Variants in ADAMTS12 observed in about 807,000 individuals in gnomAD.
ADAMTS12 encodes A disintegrin and metalloproteinase with thrombospondin motifs 12.
In ADAMTS12, 118 loss-of-function variants were observed where a neutral mutation model predicts 167.8. The observed-to-expected ratio is 0.70, with a 90% CI of 0.61 to 0.82. The LOEUF is 0.82. Among genes scored for constraint, ADAMTS12 ranks in the 40% least tolerant of loss-of-function variants. The pLI is 0.00. For synonymous variants in ADAMTS12, 704 were observed against 716.9 expected, an observed-to-expected ratio of 0.98 and a Z score of 0.29; for missense variants, 1,916 against 1,998.8, an observed-to-expected ratio of 0.96 and a Z score of 0.79.
intron 21 of ADAMTS12, among the ~76,000 whole-genome samples, chr5:33,548,732 G>A (rs764610464): frequency 3.1e-4 from 36 of 115,484 alleles, no homozygotes; most frequent in African/African-American, 1.2e-3. Flanking sequence ...ACACACACTC[G>A]TTATTTGTAC....
intron 2 of ADAMTS12, among the ~76,000 whole-genome samples, chr5:33,820,799 GA>G (rs1164165986): frequency 6.6e-6 from 1 of 152,154 alleles, no homozygotes; most frequent in Non-Finnish European, 1.5e-5. Flanking sequence ...GCATGAAAAA[GA>G]ACAAGATCAT....
intron 3 of ADAMTS12, among the ~76,000 whole-genome samples, chr5:33,717,467 GTAC>G (rs1743655692): frequency 6.6e-6 from 1 of 152,180 alleles, no homozygotes; most frequent in Non-Finnish European, 1.5e-5. Context: ...TGTAAGGTAA[GTAC>G]TACTATTACC....
chr5:33,559,015 C>A (rs1745611598), intron 20 of ADAMTS12, among the ~76,000 whole-genome samples: 1 of 152,154 alleles, frequency 6.6e-6, no homozygotes, highest in Non-Finnish European at 1.5e-5. Context: ...GGGAAAGGGT[C>A]CGAAAGACCG....
chr5:33,861,723 ACATTCTTCTTAG>A (rs1424876246), intron 2 of ADAMTS12, among the ~76,000 whole-genome samples: 1 of 152,194 alleles, frequency 6.6e-6, no homozygotes, highest in Non-Finnish European at 1.5e-5. Context: ...AACAGAATAC[ACATTCTTCTTAG>A]CACCATATTG....
At chr5:33,890,908 CG>C (rs1275121618) in intron 1 of ADAMTS12, among the ~76,000 whole-genome samples, 1 of 152,142 alleles carries the variant, frequency 6.6e-6, no homozygotes, top group East Asian at 1.9e-4. Flanking sequence ...TGCCAGTGAT[CG>C]GATGGGCTGA....
intron 2 of ADAMTS12, among the ~76,000 whole-genome samples, chr5:33,802,853 T>C (rs935080121): frequency 3.9e-5 from 6 of 152,234 alleles, no homozygotes; most frequent in African/African-American, 1.4e-4. Context: ...AAGTTTACTC[T>C]TCCAGATGTG....
intron 5 of ADAMTS12, among the ~76,000 whole-genome samples, chr5:33,682,108 G>A (rs1308832222): frequency 6.6e-6 from 1 of 152,204 alleles, no homozygotes; most frequent in East Asian, 1.9e-4. Flanking sequence ...GATATGATAA[G>A]GCCAAACCAA....
chr5:33,673,662 A>G (rs930655184), intron 5 of ADAMTS12, among the ~76,000 whole-genome samples: 3 of 104,536 alleles, frequency 2.9e-5, no homozygotes, highest in African/African-American at 1.0e-4. Flanking sequence ...GATCAAAACA[A>G]AAGTCTGTCC....
chr5:33,749,394 G>A (rs982630158), intron 3 of ADAMTS12, among the ~76,000 whole-genome samples: 1 of 152,060 alleles, frequency 6.6e-6, no homozygotes, highest in Non-Finnish European at 1.5e-5. Context: ...TCCCTTCTCT[G>A]AGACACAACT....
chr5:33,795,392 A>T lies in ADAMTS12; in HGVS notation c.490-43844T>A, dbSNP rs533415834. ...CACCAAATGCCCCACGATGTAGTGC[A>T]CTAAAAGACAAGAGACATCTGGAAA... is the stretch of plus-strand genomic sequence containing the variant. On this transcript the variant is annotated intron_variant, in intron 2 of 23. Coordinates refer to ENST00000504830, the MANE Select transcript of ADAMTS12 (RefSeq NM_030955.4). 2.6e-5 allele frequency among the ~76,000 whole-genome samples: 4 copies of T among 152,370 alleles called. No individual in the cohort carries two copies. In the East Asian group the frequency reaches 7.7e-4, roughly 29 times the overall value.
intron 2 of ADAMTS12, among the ~76,000 whole-genome samples, chr5:33,760,814 A>G (rs1745325266): frequency 6.6e-6 from 1 of 151,492 alleles, no homozygotes; most frequent in Non-Finnish European, 1.5e-5. Flanking sequence ...TTTACTACCT[A>G]TCTTGCACCC....
intron 3 of ADAMTS12, among the ~76,000 whole-genome samples, chr5:33,750,292 T>G (rs1230980380): frequency 1.3e-5 from 2 of 152,242 alleles, no homozygotes; most frequent in Non-Finnish European, 2.9e-5. Context: ...TGTGTGTTTT[T>G]GTGTACAGAA....
intron 23 of ADAMTS12, among the ~76,000 whole-genome samples, chr5:33,532,485 T>C (rs993499918): frequency 1.3e-5 from 2 of 152,138 alleles, no homozygotes; most frequent in African/African-American, 2.4e-5. Flanking sequence ...TTTTTTTTTT[T>C]TTTGGCCTTT....
intron 5 of ADAMTS12, among the ~76,000 whole-genome samples, chr5:33,667,829 T>C (rs1216715999): frequency 6.6e-6 from 1 of 152,228 alleles, no homozygotes; most frequent in Non-Finnish European, 1.5e-5. Context: ...CATTCTGTAT[T>C]AATTAGGCTA....
intron 2 of ADAMTS12, among the ~76,000 whole-genome samples, chr5:33,822,487 A>G (rs1185008036): frequency 6.6e-6 from 1 of 152,122 alleles, no homozygotes; most frequent in Admixed American, 6.6e-5. Flanking sequence ...TTTAATCTCC[A>G]TGGTGTTCTC....
At chr5:33,703,629 T>C (rs1119629) in intron 3 of ADAMTS12, among the ~76,000 whole-genome samples, 44,497 of 152,078 alleles carry the variant, frequency 0.29, 7,817 homozygotes, top group Non-Finnish European at 0.4. Flanking sequence ...ATTCCACACA[T>C]AAACAAGATC....
chr5:33,709,095 T>C (rs1743297698), intron 3 of ADAMTS12, among the ~76,000 whole-genome samples: 2 of 151,746 alleles, frequency 1.3e-5, no homozygotes, highest in South Asian at 4.1e-4. Flanking sequence ...CCAACAAACA[T>C]GAAAAAAAGC....
intron 2 of ADAMTS12, among the ~76,000 whole-genome samples, chr5:33,777,264 C>CA (rs143289654): frequency 0.05 from 7,662 of 151,904 alleles, 690 homozygotes; most frequent in African/African-American, 0.18. Flanking sequence ...AACCAAGATG[C>CA]AAAAAAATCC....
At chr5:33,720,817 T>C (rs986128512) in intron 3 of ADAMTS12, among the ~76,000 whole-genome samples, 4 of 152,196 alleles carry the variant, frequency 2.6e-5, no homozygotes, top group Non-Finnish European at 5.9e-5. Context: ...ATGCATACTA[T>C]ATGACCCTGC....
Sources: allele counts gnomAD v4.1 joint callset (sites outside exome capture counted in the v4.1 genomes callset), GRCh38; gene constraint gnomAD v4.1.1; transcripts MANE v1.5; gene names NCBI Gene and HGNC (gene_info 2026-07-23, HGNC 2026-07-21).